GOT1: variants seen among roughly 807,000 people sequenced by gnomAD.
GOT1 encodes glutamic-oxaloacetic transaminase 1.
GOT1 carries 25 observed loss-of-function variants against 48.2 expected under a neutral mutation model. That is an observed-to-expected ratio of 0.52 (90% CI 0.38 to 0.72). The LOEUF is 0.72. Among genes scored for constraint, GOT1 ranks in the 30% least tolerant of loss-of-function variants. The probability of loss-of-function intolerance (pLI) is 0.00; values close to 1 mark genes in which losing one functional copy is unlikely to be tolerated. For synonymous variants in GOT1, 188 were observed against 193.8 expected (o/e 0.97, Z 0.25); for missense variants, 380 against 520.1 (o/e 0.73, Z 2.62).
At chr10:99,412,083 G>A (rs535514399) in intron 2 of GOT1, among the ~76,000 whole-genome samples, 1 of 152,114 alleles carries the variant, frequency 6.6e-6, no homozygotes, top group Non-Finnish European at 1.5e-5. Context: ...TTAGAGGTGG[G>A]GACTGGACAG....
At chr10:99,429,910 T>C (rs978861906) in intron 1 of GOT1, among the ~76,000 whole-genome samples, 1 of 152,134 alleles carries the variant, frequency 6.6e-6, no homozygotes, top group African/African-American at 2.4e-5. Flanking sequence ...TCTCAAAGCA[T>C]TGTGTAACAC....
chr10:99,420,330 C>T (rs1020995132), intron 2 of GOT1: 6 of 290,660 alleles, frequency 2.1e-5, no homozygotes, highest in South Asian at 1.7e-4. Flanking sequence ...GATCTAGAAC[C>T]CTGGTGTCTT....
intron 1 of GOT1, among the ~76,000 whole-genome samples, chr10:99,422,723 T>C (rs1245355084): frequency 1.3e-5 from 2 of 152,216 alleles, no homozygotes; most frequent in African/African-American, 4.8e-5. Context: ...CACAGCTTCT[T>C]ACATATGCCC....
chr10:99,420,742 A>G lies in GOT1; in HGVS notation c.182T>C (p.Ile61Thr), dbSNP rs763388794. ...LPVVKKVEQK[I>T]ANDNSLNHEY... is the part of the protein sequence containing the mutation. ...GTGATTTAGGCTATTGTCATTAGCA[A>G]TCTTCTGCTCCACTTTCTTCACTAC... is the stretch of plus-strand genomic sequence containing the variant. The change falls in exon 2 of 9, where the codon ATT becomes ACT. Residue 61 changes from isoleucine to threonine, a missense_variant. Physicochemically the swap from Ile to Thr is moderately conservative, Grantham distance 89. Transcript: ENST00000370508. The G allele has an allele frequency of 1.2e-6, 2 of 1,613,958 alleles. No individual in the cohort carries two copies. Among genetic ancestry groups the G allele is most frequent in the Admixed American group, 3.3e-5 (2 of 60,006 alleles).
intron 2 of GOT1, among the ~76,000 whole-genome samples, chr10:99,408,399 G>A (rs2032788676): frequency 6.6e-6 from 1 of 152,162 alleles, no homozygotes; most frequent in Non-Finnish European, 1.5e-5. Flanking sequence ...GGATTGAAGA[G>A]AAAGGAAGAA....
In GOT1 at chr10:99,405,784, T is replaced by A; in HGVS notation, c.614A>T (p.Gln205Leu). The A allele has an allele frequency of 6.2e-7, 1 of 1,603,964 alleles. No individual in the cohort carries two copies. The highest frequency in any genetic ancestry group is 8.5e-7 in the Non-Finnish European group (1 of 1,170,738). Residue 205 changes from glutamine to leucine, a missense_variant, in exon 5 of 9, where the codon CAG becomes CTG. Physicochemically the swap from Gln to Leu is moderately radical, Grantham distance 113. Transcript: ENST00000370508. ...NPTGIDPTPE[Q>L]WKQIASVMKH... ...CATGACAGAAGCAATCTGCTTCCAC[T>A]GCTCCGGAGTTGGGTCAATCCCAGT... is the stretch of plus-strand genomic sequence containing the variant.
At chr10:99,411,815 C>A (rs781087320) in intron 2 of GOT1, among the ~76,000 whole-genome samples, 12 of 152,160 alleles carry the variant, frequency 7.9e-5, no homozygotes, top group Non-Finnish European at 1.8e-4. Flanking sequence ...ACCTTTGGAA[C>A]CTGAGGTACC....
chr10:99,414,910 C>T (rs542640601), intron 2 of GOT1, among the ~76,000 whole-genome samples: 125 of 151,422 alleles, frequency 8.3e-4, no homozygotes, highest in African/African-American at 3.0e-3. Flanking sequence ...AAAGACACAA[C>T]ATACCAGAAT....
At chr10:99,429,136 G>A (rs1273694663) in intron 1 of GOT1, among the ~76,000 whole-genome samples, 3 of 151,008 alleles carry the variant, frequency 2.0e-5, no homozygotes, top group African/African-American at 4.9e-5. Context: ...TGCAACCTCC[G>A]TCTCCCGGGT....
intron 2 of GOT1, among the ~76,000 whole-genome samples, chr10:99,414,799 G>T (rs577727213): frequency 6.6e-6 from 1 of 151,548 alleles, no homozygotes; most frequent in African/African-American, 2.4e-5. Flanking sequence ...ACTCAAAACC[G>T]CTCAACTACA....
intron 1 of GOT1, among the ~76,000 whole-genome samples, chr10:99,421,982 T>C (rs2032975035): frequency 1.3e-5 from 2 of 152,096 alleles, no homozygotes; most frequent in African/African-American, 4.8e-5. Context: ...ATAATTAACA[T>C]GTGATTGTGT....
chr10:99,405,520 GACACAC>G (rs138777645), intron 5 of GOT1, among the ~76,000 whole-genome samples: 26 of 143,588 alleles, frequency 1.8e-4, no homozygotes, highest in East Asian at 1.2e-3. Context: ...CATAAAACTA[GACACAC>G]ACACACACAC....
At position 99,403,857 on chromosome 10, in the gene GOT1, G is replaced by A. The variant is rs769195018; in HGVS notation, c.660C>T (p.Pro220=). 8 of 1,613,702 alleles carry A rather than the reference G, an allele frequency of 5.0e-6. No individual in the cohort carries two copies. In the African/African-American group the frequency reaches 1.1e-4, roughly 22 times the overall value. Reference sequence around the variant, plus strand: ...AGCCCTGATAGGCTGAGTCAAAGAAGGGGAACAGAAACCGGTGCTGCGGGG... The same window carrying A: ...AGCCCTGATAGGCTGAGTCAAAGAAAGGGAACAGAAACCGGTGCTGCGGGG... The part of the protein sequence containing the change: ...ASVMKHRFLF[P]FFDSAYQGFA... The change falls in exon 6 of 9, where the codon CCC becomes CCT. Residue 220 remains proline, a synonymous_variant. Coordinates refer to ENST00000370508, the MANE Select transcript of GOT1 (RefSeq NM_002079.3).
chr10:99,405,924 G>T, intron 4 of GOT1, 64 bp from the exon 5 acceptor site: 2 of 977,590 alleles, frequency 2.0e-6, no homozygotes, highest in South Asian at 1.3e-5. Context: ...AGAGTCAGCA[G>T]CAGATTGGTC....
intron 8 of GOT1, among the ~76,000 whole-genome samples, chr10:99,399,207 A>T (rs914193180): frequency 6.6e-6 from 1 of 152,172 alleles, no homozygotes; most frequent in Non-Finnish European, 1.5e-5. Context: ...GTCCAGATCT[A>T]GGGGAGATTA....
intron 2 of GOT1, among the ~76,000 whole-genome samples, chr10:99,417,796 G>A (rs781259230): frequency 2.0e-5 from 3 of 152,004 alleles, no homozygotes; most frequent in Admixed American, 6.6e-5. Context: ...GCAAACTATC[G>A]CAAGGACAAA....
intron 1 of GOT1, among the ~76,000 whole-genome samples, chr10:99,425,655 G>T (rs1402729661): frequency 6.6e-6 from 1 of 152,182 alleles, no homozygotes; most frequent in East Asian, 1.9e-4. Flanking sequence ...AGGGGATTGG[G>T]GAAAGGGCTG....
chr10:99,406,510 G>C (rs1312532647), intron 3 of GOT1, among the ~76,000 whole-genome samples: 1 of 128,058 alleles, frequency 7.8e-6, no homozygotes, highest in Non-Finnish European at 1.5e-5. Flanking sequence ...ACATAGCCTT[G>C]GTAGATACAA....
At chr10:99,415,957 T>A (rs12241455) in intron 2 of GOT1, among the ~76,000 whole-genome samples, 1 of 152,138 alleles carries the variant, frequency 6.6e-6, no homozygotes, top group South Asian at 2.1e-4. Context: ...TAATAAGAGC[T>A]ATCTATGACA....
Sources: gnomAD v4.1 joint callset for allele counts (sites outside exome capture counted in the v4.1 genomes callset) on GRCh38, gnomAD v4.1.1 for gene constraint, MANE v1.5 for transcripts, NCBI Gene and HGNC (gene_info 2026-07-23, HGNC 2026-07-21) for gene names.